The following KIF16B variants were observed in gnomAD, a reference collection of about 807,000 sequenced individuals.
The protein encoded by KIF16B is kinesin-like protein KIF16B.
In KIF16B, 98 loss-of-function variants were observed where a neutral mutation model predicts 156.3. The observed-to-expected ratio is 0.63, with a 90% CI of 0.53 to 0.74. KIF16B has a LOEUF of 0.74. Among genes scored for constraint, KIF16B ranks in the 30% least tolerant of loss-of-function variants. The pLI, the probability that KIF16B is intolerant of heterozygous loss-of-function variation, is 0.00. For synonymous variants in KIF16B, 564 were observed against 583.7 expected (o/e 0.97, Z 0.49); for missense variants, 1,421 against 1,606.5 (o/e 0.88, Z 1.97).
intron 12 of KIF16B, among the ~76,000 whole-genome samples, chr20:16,451,768 A>C (rs1288229584): frequency 6.7e-6 from 1 of 148,500 alleles, no homozygotes; most frequent in Non-Finnish European, 1.5e-5. Context: ...AATACTGGGG[A>C]CCAAACTTTT....
intron 13 of KIF16B, 33 bp downstream of exon 13, chr20:16,429,830 A>T: frequency 4.4e-6 from 7 of 1,585,114 alleles, no homozygotes; most frequent in Non-Finnish European, 6.0e-6. Context: ...AACTGGAAAC[A>T]AAATTAGAAT....
chr20:16,447,716 A>C (rs76886419), intron 12 of KIF16B, among the ~76,000 whole-genome samples: 2,333 of 152,272 alleles, frequency 0.015, 42 homozygotes, highest in African/African-American at 0.037. Flanking sequence ...ATCCTCATCT[A>C]TTTCTGTTTT....
At chr20:16,407,593 G>A (rs2065818292) in intron 15 of KIF16B, among the ~76,000 whole-genome samples, 1 of 152,088 alleles carries the variant, frequency 6.6e-6, no homozygotes, top group South Asian at 2.1e-4. Flanking sequence ...TGCAGAGAGA[G>A]TCTAAGCTAT....
chr20:16,563,304 T>C (rs1416390937), intron 1 of KIF16B, among the ~76,000 whole-genome samples: 2 of 152,180 alleles, frequency 1.3e-5, no homozygotes, highest in Non-Finnish European at 2.9e-5. Context: ...CCAACCTCCC[T>C]GGAAGGATTT....
At chr20:16,326,735 C>T (rs2063857014) in intron 24 of KIF16B, among the ~76,000 whole-genome samples, 1 of 151,898 alleles carries the variant, frequency 6.6e-6, no homozygotes, top group South Asian at 2.1e-4. Flanking sequence ...GGAATGTAAA[C>T]TAGTACAACC....
intron 12 of KIF16B, among the ~76,000 whole-genome samples, chr20:16,462,858 G>T (rs907810314): frequency 6.6e-6 from 1 of 152,198 alleles, no homozygotes; most frequent in Non-Finnish European, 1.5e-5. Context: ...AAGCACATTC[G>T]ACATGGAGGC....
At chr20:16,534,735 T>C (rs1027217238) in intron 1 of KIF16B, among the ~76,000 whole-genome samples, 1 of 152,192 alleles carries the variant, frequency 6.6e-6, no homozygotes, top group African/African-American at 2.4e-5. Flanking sequence ...CATATTCTTA[T>C]CCAGTTTTCC....
rs375315033 is a variant in KIF16B, at chr20:16,570,181, AT to A, written c.47+3047del. Among the ~76,000 whole-genome samples the A allele has an allele frequency of 5.6e-4, 86 of 152,318 alleles. No homozygotes were observed. The East Asian group carries it at 0.014, about 25-fold the overall frequency. On this transcript the variant is annotated intron_variant, in intron 1 of 25. Transcript: ENST00000354981. ...ATTTTGTATATTAAGGTCACTTATG[AT>A]TTTTTGTTATCAATGATGATGCAAA...
rs142175516 is a variant in KIF16B, at chr20:16,542,917, G to A, written c.48-14477C>T. Among the ~76,000 whole-genome samples the A allele has an allele frequency of 9.7e-4, 147 of 152,280 alleles. No homozygotes were observed. The Middle Eastern group carries it at 0.014, about 14-fold the overall frequency. ...GGTGTGCATAGACTCTAGAGGGATG[G>A]CAGTCTAGCAAGGAGACCACTCAGA... On this transcript the variant is annotated intron_variant, in intron 1 of 25. Transcript: ENST00000354981.
intron 12 of KIF16B, among the ~76,000 whole-genome samples, chr20:16,486,083 A>G (rs1330670161): frequency 1.3e-5 from 2 of 152,176 alleles, no homozygotes; most frequent in African/African-American, 4.8e-5. Flanking sequence ...CCGTTTTGTT[A>G]GAAATCAGAG....
At chr20:16,321,044 A>G (rs772081756) in intron 24 of KIF16B, among the ~76,000 whole-genome samples, 5 of 152,134 alleles carry the variant, frequency 3.3e-5, no homozygotes, top group Non-Finnish European at 5.9e-5. Context: ...TACCATATCT[A>G]GAATAAACAC....
chr20:16,326,481 C>A (rs572414182), intron 24 of KIF16B, among the ~76,000 whole-genome samples: 6 of 150,830 alleles, frequency 4.0e-5, no homozygotes, highest in African/African-American at 9.7e-5. Context: ...AAAAAAAACC[C>A]AAATAATCCC....
chr20:16,411,762 G>T (rs1298243101), intron 15 of KIF16B, among the ~76,000 whole-genome samples: 1 of 151,978 alleles, frequency 6.6e-6, no homozygotes, highest in Non-Finnish European at 1.5e-5. Flanking sequence ...GGGGACTAGG[G>T]GGGCCTCTTT....
intron 12 of KIF16B, among the ~76,000 whole-genome samples, chr20:16,474,233 T>C (rs2067744526): frequency 6.6e-6 from 1 of 152,190 alleles, no homozygotes; most frequent in Non-Finnish European, 1.5e-5. Flanking sequence ...CGCCCCCCTT[T>C]GTGACCCCAC....
intron 23 of KIF16B, among the ~76,000 whole-genome samples, chr20:16,340,531 G>A (rs1473940571): frequency 6.6e-6 from 1 of 152,186 alleles, no homozygotes; most frequent in Non-Finnish European, 1.5e-5. Context: ...GGAAAGGGGA[G>A]CCCCCAGATG....
At chr20:16,359,065 A>C (rs145963188) in intron 22 of KIF16B, among the ~76,000 whole-genome samples, 13 of 152,370 alleles carry the variant, frequency 8.5e-5, no homozygotes, top group African/African-American at 3.1e-4. Flanking sequence ...TATATTCTAA[A>C]GGTAGATTTG....
Position 16,378,822 on chromosome 20 carries a change from C to T in KIF16B, c.3180G>A (p.Leu1060=), listed in dbSNP as rs1264530989. 2 of 1,610,078 alleles carry T rather than the reference C, an allele frequency of 1.2e-6. No individual in the cohort carries two copies. The highest frequency in any genetic ancestry group is 1.1e-5 in the South Asian group (1 of 90,242). The part of the protein sequence containing the change: ...QASLEAEQEA[L]EKDQERLEYE... ...AATCTCACCTCTCCTGGTCCTTCTC[C>T]AGGGCTTCCTGCTCAGCCTCCAGGC... is the stretch of plus-strand genomic sequence containing the variant. Residue 1060 remains leucine, a synonymous_variant, in exon 19 of 26, where the codon CTG becomes CTA. Coordinates refer to ENST00000354981, the MANE Select transcript of KIF16B (RefSeq NM_024704.5).
chr20:16,319,977 G>T (rs576327704), intron 24 of KIF16B, among the ~76,000 whole-genome samples: 1 of 152,100 alleles, frequency 6.6e-6, no homozygotes, highest in South Asian at 2.1e-4. Context: ...AACACTCAAC[G>T]CAGGCTCATG....
rs532964319 is a variant in KIF16B at position 16,315,613 on chromosome 20, G to T, written c.3712-3195C>A. ...CAGTTCCAACAAGAGTTGTCAACGG[G>T]ACCCTGCTGAGGACCTGCACCCTTG... On this transcript the variant is annotated intron_variant, in intron 24 of 25. Coordinates refer to ENST00000354981, the MANE Select transcript of KIF16B (RefSeq NM_024704.5). Among the ~76,000 whole-genome samples, 5 of 152,272 alleles carry T rather than the reference G, an allele frequency of 3.3e-5. No homozygotes were observed. The South Asian group carries it at 6.2e-4, about 19-fold the overall frequency.
Sources: gnomAD v4.1 joint callset for allele counts (sites outside exome capture counted in the v4.1 genomes callset) on GRCh38, gnomAD v4.1.1 for gene constraint, MANE v1.5 for transcripts, NCBI Gene and HGNC (gene_info 2026-07-23, HGNC 2026-07-21) for gene names.